CCDC93: variants seen among roughly 807,000 people sequenced by gnomAD.
CCDC93 encodes CCC complex scaffolding subunit CCDC93.
A neutral mutation model predicts 108.2 loss-of-function variants in CCDC93; 61 were observed. The ratio of observed to expected loss-of-function variants is 0.56; its 90% confidence interval spans 0.46 to 0.70. The LOEUF (loss-of-function observed/expected upper bound fraction) is 0.70, where lower values mean the gene tolerates loss of function less well. Ranked by LOEUF, CCDC93 falls within the 30% of genes least tolerant of loss-of-function variation. CCDC93 has a pLI of 0.00. For missense variants in CCDC93, 685 were observed against 764.2 expected, an observed-to-expected ratio of 0.90 and a Z score of 1.22; for synonymous variants, 276 against 260.4, an observed-to-expected ratio of 1.06 and a Z score of -0.58.
intron 1 of CCDC93, among the ~76,000 whole-genome samples, chr2:118,013,438 C>T (rs11686214): frequency 0.074 from 11,252 of 151,650 alleles, 511 homozygotes; most frequent in South Asian, 0.15. Flanking sequence ...CGGGTCCACG[C>T]AAGGAGGGTG....
At chr2:118,001,896 A>T (rs1408551643) in intron 3 of CCDC93, among the ~76,000 whole-genome samples, 1 of 152,136 alleles carries the variant, frequency 6.6e-6, no homozygotes. Flanking sequence ...ATTGGATCAG[A>T]CTCAAGGGGA....
At chr2:117,942,397 T>C (rs4848475) in intron 18 of CCDC93, among the ~76,000 whole-genome samples, 148,056 of 152,230 alleles carry the variant, frequency 0.97, 72,133 homozygotes, top group Middle Eastern at 1. Context: ...CTGAGAGCCA[T>C]GCACATGGGA....
chr2:117,923,149 C>A (rs372849929), intron 23 of CCDC93, among the ~76,000 whole-genome samples: 2 of 152,080 alleles, frequency 1.3e-5, no homozygotes, highest in African/African-American at 4.8e-5. Context: ...ACCAAGATGG[C>A]CGAATAGGAA....
At chr2:117,995,630 T>G (rs577103816) in intron 5 of CCDC93, 128 bp from the exon 6 acceptor site, 6 of 715,984 alleles carry the variant, frequency 8.4e-6, no homozygotes, top group African/African-American at 7.1e-5. Flanking sequence ...GTCTCAATTT[T>G]CGAACAAATT....
At chr2:118,009,393 C>T (rs1434351943) in intron 1 of CCDC93, among the ~76,000 whole-genome samples, 2 of 151,774 alleles carry the variant, frequency 1.3e-5, no homozygotes, top group African/African-American at 2.4e-5. Flanking sequence ...CTTGGCCAGG[C>T]ACAGTGGCTC....
chr2:117,996,138 A>C, intron 5 of CCDC93, 126 bp downstream of exon 5: 1 of 570,738 alleles, frequency 1.8e-6, no homozygotes, highest in Non-Finnish European at 3.1e-6. Flanking sequence ...GTAAAGAAGC[A>C]CTAATGATGC....
intron 7 of CCDC93, among the ~76,000 whole-genome samples, chr2:117,985,117 T>C (rs2104798796): frequency 6.8e-6 from 1 of 147,858 alleles, no homozygotes; most frequent in South Asian, 2.2e-4. Context: ...GACTAGTTTT[T>C]ATTCTTAGGA....
At chr2:118,011,666 C>CAA (rs1469789216) in intron 1 of CCDC93, among the ~76,000 whole-genome samples, 1 of 148,794 alleles carries the variant, frequency 6.7e-6, no homozygotes, top group Admixed American at 6.7e-5. Context: ...GAGAAGAAGA[C>CAA]AAAAAAAACC....
At chr2:117,956,088 T>C (rs1354125323) in intron 12 of CCDC93, among the ~76,000 whole-genome samples, 2 of 152,228 alleles carry the variant, frequency 1.3e-5, no homozygotes, top group African/African-American at 4.8e-5. Flanking sequence ...ACACAGACTC[T>C]GAGCAAGTCT....
At chr2:117,962,305 C>A (rs916548119) in intron 11 of CCDC93, among the ~76,000 whole-genome samples, 6 of 152,184 alleles carry the variant, frequency 3.9e-5, no homozygotes, top group Admixed American at 3.9e-4. Flanking sequence ...GAGTTCTCTA[C>A]ACTAAATAGA....
chr2:117,968,694 C>T (rs1246383122), intron 11 of CCDC93, among the ~76,000 whole-genome samples: 4 of 152,170 alleles, frequency 2.6e-5, no homozygotes, highest in Non-Finnish European at 5.9e-5. Flanking sequence ...TGTGAAGTTT[C>T]CAAACACTCA....
chr2:117,928,895 T>C (rs1317468174), intron 23 of CCDC93, among the ~76,000 whole-genome samples: 1 of 152,050 alleles, frequency 6.6e-6, no homozygotes, highest in Admixed American at 6.5e-5. Context: ...ATTAAGAAAA[T>C]GTGGCACATA....
At chr2:117,959,164 G>A (rs10169034) in intron 11 of CCDC93, among the ~76,000 whole-genome samples, 43,428 of 152,060 alleles carry the variant, frequency 0.29, 6,680 homozygotes, top group African/African-American at 0.38. Context: ...ACATTTTCCA[G>A]GAGGGCAAAT....
At chr2:117,967,234 C>A (rs1222860453) in intron 11 of CCDC93, among the ~76,000 whole-genome samples, 1 of 152,210 alleles carries the variant, frequency 6.6e-6, no homozygotes, top group Admixed American at 6.5e-5. Context: ...CTCAAGTGAT[C>A]TGCCTGCCTC....
chr2:117,917,279 GACA>G lies in CCDC93; in HGVS notation c.*3061_*3063del, dbSNP rs1677716118. ...GGTCACTAGAGACGTACTGGGGCCT[GACA>G]ACATCAACAACGTCACAACCCTGAG... On this transcript the variant is annotated 3_prime_UTR_variant, in exon 24 of 24. Coordinates refer to ENST00000376300, the MANE Select transcript of CCDC93 (RefSeq NM_019044.5). The G allele has an allele frequency of 6.6e-6, 1 of 152,670 alleles. No individual in the cohort carries two copies. Among genetic ancestry groups the G allele is most frequent in the Admixed American group, 6.6e-5 (1 of 15,266 alleles). 9.5% of individuals were successfully genotyped at this position (152,670 alleles called of 1,614,324 possible).
At chr2:117,996,548 TCCAATGGGA>T in intron 4 of CCDC93, 186 bp from the exon 5 acceptor site, 1 of 535,016 alleles carries the variant, frequency 1.9e-6, no homozygotes, top group Non-Finnish European at 3.4e-6. Context: ...GATGTTAAGA[TCCAATGGGA>T]CCTAGTGCTG....
chr2:117,979,449 G>A (rs1024544921), intron 7 of CCDC93, among the ~76,000 whole-genome samples: 2 of 152,166 alleles, frequency 1.3e-5, no homozygotes, highest in African/African-American at 4.8e-5. Flanking sequence ...CCCTGCATCT[G>A]TTCATGCTCC....
intron 19 of CCDC93, among the ~76,000 whole-genome samples, chr2:117,940,185 C>T (rs76267817): frequency 1.6e-4 from 25 of 152,134 alleles, no homozygotes; most frequent in African/African-American, 4.6e-4. Flanking sequence ...AAGAGGAATA[C>T]GGAGTAGGAG....
intron 14 of CCDC93, 46 bp from the exon 15 acceptor site, chr2:117,948,232 T>C: frequency 1.4e-6 from 2 of 1,423,210 alleles, no homozygotes; most frequent in East Asian, 2.3e-5. Flanking sequence ...GCCATTATGA[T>C]TTTATGAATC....
Sources: gnomAD v4.1 joint callset for allele counts (sites outside exome capture counted in the v4.1 genomes callset) on GRCh38, gnomAD v4.1.1 for gene constraint, MANE v1.5 for transcripts, NCBI Gene and HGNC (gene_info 2026-07-23, HGNC 2026-07-21) for gene names.